The following RSPO3 variants were observed in gnomAD, a reference collection of about 807,000 sequenced individuals.
The protein encoded by RSPO3 is R-spondin 3.
RSPO3 carries 17 observed loss-of-function variants against 36.5 expected under a neutral mutation model. The ratio of observed to expected loss-of-function variants is 0.47; its 90% CI spans 0.32 to 0.70. RSPO3 has a LOEUF of 0.70. RSPO3 is among the 30% of genes least tolerant of loss of function. RSPO3 has a pLI of 0.04. For synonymous variants in RSPO3, 108 were observed against 107.0 expected (o/e 1.01, Z -0.06); for missense variants, 294 against 322.5 (o/e 0.91, Z 0.68).
rs566053351 is a variant in RSPO3, at chr6:127,150,299, A to T, written c.290-127A>T. On this transcript the variant is annotated intron_variant, in intron 2 of 4. Coordinates refer to ENST00000356698, the MANE Select transcript of RSPO3 (RefSeq NM_032784.5). ...GGAATCGTGAATTCAGTCTGGCAAA[A>T]TAATTTTGGACTTCAGGTGTTTATT... 135 of 815,078 alleles carry T rather than the reference A, an allele frequency of 1.7e-4. No individual in the cohort carries two copies. In the East Asian group the frequency reaches 3.6e-3, roughly 22 times the overall value. The allele number at this position is 815,078 out of a possible 1,614,324, so 50.5% of individuals were successfully genotyped here.
In RSPO3 at chr6:127,191,002, T is replaced by C. The variant is rs147825701; in HGVS notation, c.635-4821T>C. Among the ~76,000 whole-genome samples, 80 of 152,330 alleles carry C rather than the reference T, an allele frequency of 5.3e-4. 1 individual carries two copies. In the East Asian group the frequency reaches 6.7e-3, roughly 13 times the overall value. ...CATTTTCACTTGGAATTTAAATATA[T>C]ACAAGTTAGGAAGAATAATTCAGGA... On this transcript the variant is annotated intron_variant, in intron 4 of 4. Coordinates refer to ENST00000356698, the MANE Select transcript of RSPO3 (RefSeq NM_032784.5).
At chr6:127,119,709 T>G in intron 1 of RSPO3, 2 of 160,188 alleles carry the variant, frequency 1.2e-5, no homozygotes, top group African/African-American at 2.4e-5. Context: ...GCGGCCGCGG[T>G]ACCCGCTCAC....
chr6:127,196,139 T>G lies in RSPO3; in HGVS notation c.*132T>G. The G allele has an allele frequency of 3.0e-6, 2 of 670,460 alleles. No individual in the cohort carries two copies. Among genetic ancestry groups the G allele is most frequent in the Middle Eastern group, 5.5e-4 (2 of 3,668 alleles). The allele number at this position is 670,460 out of a possible 1,614,324, so 41.5% of individuals were successfully genotyped here. A position where few individuals can be genotyped will look rare whatever the true frequency, so the allele number is the denominator to read the frequency against. ...TCTGTCTAAACAACATTCCCAGTAGTTGCTATATTCTTCATACAAGCATAG... is the reference window on the plus strand; with the variant it reads ...TCTGTCTAAACAACATTCCCAGTAGGTGCTATATTCTTCATACAAGCATAG... On this transcript the variant is annotated 3_prime_UTR_variant, in exon 5 of 5. Coordinates refer to ENST00000356698, the MANE Select transcript of RSPO3 (RefSeq NM_032784.5).
chr6:127,126,260 T>C (rs904795349), intron 1 of RSPO3, among the ~76,000 whole-genome samples: 1 of 152,098 alleles, frequency 6.6e-6, no homozygotes, highest in Non-Finnish European at 1.5e-5. Context: ...ACACAAGTAC[T>C]TCAGAGTCAC....
chr6:127,173,219 T>C (rs1026237616), intron 4 of RSPO3, among the ~76,000 whole-genome samples: 1 of 151,882 alleles, frequency 6.6e-6, no homozygotes, highest in Non-Finnish European at 1.5e-5. Flanking sequence ...AACTTAACTA[T>C]AATAAGCAAA....
intron 1 of RSPO3, among the ~76,000 whole-genome samples, chr6:127,129,798 C>T (rs1774015454): frequency 6.6e-6 from 1 of 152,034 alleles, no homozygotes; most frequent in South Asian, 2.1e-4. Context: ...TTCATCACTA[C>T]AAGTTCTCCT....
intron 4 of RSPO3, among the ~76,000 whole-genome samples, chr6:127,161,097 C>T (rs879465649): frequency 4.6e-5 from 7 of 151,660 alleles, no homozygotes; most frequent in Admixed American, 1.3e-4. Flanking sequence ...TAGGTGAAAA[C>T]ATTTAATGCC....
chr6:127,196,231 G>A lies in RSPO3; in HGVS notation c.*224G>A. The A allele has an allele frequency of 3.1e-6, 1 of 321,712 alleles. No homozygotes were observed. The highest frequency in any genetic ancestry group is 5.6e-6 in the Non-Finnish European group (1 of 177,370). 19.9% of individuals were successfully genotyped at this position (321,712 alleles called of 1,614,324 possible). ...AGATGGTTGTCTTGTGTGCTTCTCT[G>A]CATTTTTAAAAGACAAGACATTCTT... On this transcript the variant is annotated 3_prime_UTR_variant, in exon 5 of 5. Transcript: ENST00000356698.
chr6:127,135,929 A>G (rs1311041302), intron 1 of RSPO3, among the ~76,000 whole-genome samples: 1 of 147,494 alleles, frequency 6.8e-6, no homozygotes, highest in Non-Finnish European at 1.5e-5. Context: ...CCTGCCTCAA[A>G]AAAAAAAAAA....
At chr6:127,125,490 T>C (rs1180454736) in intron 1 of RSPO3, among the ~76,000 whole-genome samples, 2 of 152,120 alleles carry the variant, frequency 1.3e-5, no homozygotes, top group Non-Finnish European at 1.5e-5. Flanking sequence ...AATGAGGAGG[T>C]TGATCAAAAA....
intron 4 of RSPO3, among the ~76,000 whole-genome samples, chr6:127,156,062 C>T (rs1396617014): frequency 2.0e-5 from 3 of 152,114 alleles, no homozygotes; most frequent in African/African-American, 7.2e-5. Context: ...GCCGCCATAC[C>T]TGGCCAGTAT....
chr6:127,148,612 A>G, intron 1 of RSPO3, 36 bp from the exon 2 acceptor site: 2 of 1,536,736 alleles, frequency 1.3e-6, no homozygotes, highest in Non-Finnish European at 1.8e-6. Flanking sequence ...TCTGTGATTT[A>G]ACCTTTGTAA....
At chr6:127,119,492 C>A (rs1471808680) in intron 1 of RSPO3, among the ~76,000 whole-genome samples, 2 of 152,216 alleles carry the variant, frequency 1.3e-5, no homozygotes, top group Non-Finnish European at 2.9e-5. Flanking sequence ...AGCATCCTAG[C>A]CGGTGCGAGG....
At chr6:127,146,886 C>T (rs1774394850) in intron 1 of RSPO3, among the ~76,000 whole-genome samples, 1 of 152,092 alleles carries the variant, frequency 6.6e-6, no homozygotes, top group Non-Finnish European at 1.5e-5. Context: ...TTTTTAGGAT[C>T]TTTGCAAGCT....
At chr6:127,130,456 C>CT (rs532834611) in intron 1 of RSPO3, among the ~76,000 whole-genome samples, 83 of 152,200 alleles carry the variant, frequency 5.5e-4, no homozygotes, top group African/African-American at 1.9e-3. Context: ...AAGTCAAACT[C>CT]TTTTTCTGGC....
At chr6:127,140,773 A>T (rs537935441) in intron 1 of RSPO3, among the ~76,000 whole-genome samples, 1 of 152,258 alleles carries the variant, frequency 6.6e-6, no homozygotes, top group East Asian at 1.9e-4. Flanking sequence ...CTCATTTTAT[A>T]GCACTCAACG....
intron 4 of RSPO3, among the ~76,000 whole-genome samples, chr6:127,183,030 G>A (rs181943892): frequency 1.7e-4 from 26 of 151,946 alleles, no homozygotes; most frequent in Non-Finnish European, 3.2e-4. Context: ...CTTGTTATTT[G>A]TTCCTCTTCC....
intron 4 of RSPO3, 77 bp downstream of exon 4, chr6:127,155,515 C>A: frequency 7.5e-7 from 1 of 1,331,640 alleles, no homozygotes; most frequent in Non-Finnish European, 1.1e-6. Flanking sequence ...TCTTATGAAA[C>A]ACTTGGCATT....
chr6:127,170,758 T>G (rs1774919947), intron 4 of RSPO3, among the ~76,000 whole-genome samples: 1 of 151,794 alleles, frequency 6.6e-6, no homozygotes, highest in Non-Finnish European at 1.5e-5. Flanking sequence ...GACTTTATAC[T>G]AAGTAACTTC....
Sources: gnomAD v4.1 joint callset for allele counts (sites outside exome capture counted in the v4.1 genomes callset) on GRCh38, gnomAD v4.1.1 for gene constraint, MANE v1.5 for transcripts, NCBI Gene and HGNC (gene_info 2026-07-23, HGNC 2026-07-21) for gene names.